CCDC126: variants seen among roughly 807,000 people sequenced by gnomAD.
CCDC126 encodes the protein coiled-coil domain-containing protein 126.
Under a neutral mutation model 11.7 loss-of-function variants are expected in CCDC126, and 5 were observed. The ratio of observed to expected loss-of-function variants is 0.43; its 90% CI spans 0.22 to 0.90. The LOEUF (loss-of-function observed/expected upper bound fraction) is 0.90. Ranked by LOEUF, CCDC126 falls within the 40% of genes least tolerant of loss-of-function variation. The pLI is 0.27. For synonymous variants in CCDC126, 60 were observed against 61.9 expected (o/e 0.97, Z 0.14); for missense variants, 150 against 163.1 (o/e 0.92, Z 0.44).
intron 3 of CCDC126, among the ~76,000 whole-genome samples, chr7:23,637,381 G>A: frequency 3.7e-5 from 1 of 27,290 alleles, no homozygotes; most frequent in Non-Finnish European, 8.3e-5. Flanking sequence ...CCCCTACTGG[G>A]AAGTGAGGAG....
intron 2 of CCDC126, among the ~76,000 whole-genome samples, chr7:23,606,018 C>G (rs953996315): frequency 6.6e-6 from 1 of 151,768 alleles, no homozygotes; most frequent in African/African-American, 2.4e-5. Context: ...GATAACTATC[C>G]TAATGGGTAT....
chr7:23,638,153 C>T (rs1404033853), intron 3 of CCDC126, among the ~76,000 whole-genome samples: 4 of 150,848 alleles, frequency 2.7e-5, no homozygotes, highest in South Asian at 2.1e-4. Flanking sequence ...CGCTTCTGCC[C>T]GGCCGCCCCT....
intron 2 of CCDC126, among the ~76,000 whole-genome samples, chr7:23,610,749 G>C (rs1199313925): frequency 6.6e-6 from 1 of 151,548 alleles, no homozygotes; most frequent in African/African-American, 2.4e-5. Context: ...TTGATTTTCC[G>C]ATCCTTTTTC....
At chr7:23,622,042 C>CT (rs1782913631) in intron 3 of CCDC126, among the ~76,000 whole-genome samples, 2 of 152,028 alleles carry the variant, frequency 1.3e-5, no homozygotes, top group South Asian at 2.1e-4. Flanking sequence ...CTAAAATTCT[C>CT]TTTTTTTGTT....
intron 3 of CCDC126, among the ~76,000 whole-genome samples, chr7:23,638,728 A>AAAAAAAAAAAAAAAAAAAAAAAAAAAAT (rs1783292725): frequency 3.1e-5 from 1 of 32,554 alleles, no homozygotes. Context: ...AAAAAAAATT[A>AAAAAAAAAAAAAAAAAAAAAAAAAAAAT]AAAAAAAAAA....
chr7:23,627,152 CG>C (rs1383415561), intron 3 of CCDC126, among the ~76,000 whole-genome samples: 1 of 152,156 alleles, frequency 6.6e-6, no homozygotes, highest in Non-Finnish European at 1.5e-5. Flanking sequence ...TCAGGCTTTC[CG>C]ACTGACCCTG....
intron 2 of CCDC126, among the ~76,000 whole-genome samples, chr7:23,607,940 C>T (rs137942435): frequency 1.1e-3 from 162 of 152,256 alleles, no homozygotes; most frequent in African/African-American, 3.7e-3. Context: ...GCATAGCCTC[C>T]GTCCAGAAGC....
chr7:23,608,507 C>G lies in CCDC126; in HGVS notation c.-145-2664C>G, dbSNP rs564429582. On this transcript the variant is annotated intron_variant, in intron 2 of 3. Transcript: ENST00000307471. ...TTTTTAATTTTTTTTAGCTCATCAG[C>G]TGTCGTTAGTGTTAGTATATTTTAT... is the stretch of plus-strand genomic sequence containing the variant. Among the ~76,000 whole-genome samples the G allele has an allele frequency of 2.0e-5, 3 of 152,200 alleles. No individual in the cohort carries two copies. In the South Asian group the frequency reaches 6.2e-4, roughly 32 times the overall value.
intron 3 of CCDC126, among the ~76,000 whole-genome samples, chr7:23,631,427 C>A (rs1407941464): frequency 6.6e-6 from 1 of 152,090 alleles, no homozygotes; most frequent in East Asian, 1.9e-4. Context: ...CAAATTGCCG[C>A]AATCCACCCA....
At chr7:23,628,128 CA>C (rs1783045666) in intron 3 of CCDC126, among the ~76,000 whole-genome samples, 1 of 151,974 alleles carries the variant, frequency 6.6e-6, no homozygotes, top group Admixed American at 6.6e-5. Flanking sequence ...TGAAGAAAAC[CA>C]GTTTTAAAAA....
intron 3 of CCDC126, among the ~76,000 whole-genome samples, chr7:23,632,538 T>C (rs2128020829): frequency 6.6e-6 from 1 of 152,360 alleles, no homozygotes; most frequent in Non-Finnish European, 1.5e-5. Context: ...CTAGTGGTGA[T>C]AGAAATATTC....
chr7:23,628,376 C>T (rs2128019812), intron 3 of CCDC126, among the ~76,000 whole-genome samples: 1 of 152,248 alleles, frequency 6.6e-6, no homozygotes, highest in East Asian at 1.9e-4. Context: ...TAGATACTGC[C>T]AACAGGCAAA....
chr7:23,606,332 A>G (rs1782623374), intron 2 of CCDC126, among the ~76,000 whole-genome samples: 1 of 152,176 alleles, frequency 6.6e-6, no homozygotes, highest in East Asian at 1.9e-4. Flanking sequence ...TGCTGGGATT[A>G]CAGGTGTGAG....
chr7:23,608,936 C>CA (rs1753074208), intron 2 of CCDC126, among the ~76,000 whole-genome samples: 1 of 151,954 alleles, frequency 6.6e-6, no homozygotes, highest in South Asian at 2.1e-4. Flanking sequence ...AGGTTGGAGG[C>CA]AAAATCATAG....
chr7:23,639,925 C>G (rs562498031), intron 3 of CCDC126, among the ~76,000 whole-genome samples: 1 of 152,242 alleles, frequency 6.6e-6, no homozygotes, highest in Non-Finnish European at 1.5e-5. Context: ...CCTGTAATCC[C>G]AGCACTTTGG....
At chr7:23,626,562 C>T (rs939908338) in intron 3 of CCDC126, among the ~76,000 whole-genome samples, 2 of 151,786 alleles carry the variant, frequency 1.3e-5, no homozygotes, top group African/African-American at 4.8e-5. Flanking sequence ...TATAGATAAA[C>T]ACGTGTCTTG....
rs781655807 is a variant in CCDC126 at position 23,611,272 on chromosome 7, A to G, written c.-44A>G. The G allele has an allele frequency of 7.3e-6, 9 of 1,239,296 alleles. No homozygotes were observed. Among genetic ancestry groups the G allele is most frequent in the South Asian group, 2.5e-5 (2 of 80,454 alleles). 76.8% of individuals were successfully genotyped at this position (1,239,296 alleles called of 1,614,324 possible). A position where few individuals can be genotyped will look rare whatever the true frequency, so the allele number is the denominator to read the frequency against. ...AAGTCTTGATTTGTGGCTTACCTCAAGTTACCATTTTTCAGTCAAGTCTGT... is the reference window on the plus strand; with the variant it reads ...AAGTCTTGATTTGTGGCTTACCTCAGGTTACCATTTTTCAGTCAAGTCTGT... On this transcript the variant is annotated 5_prime_UTR_variant, in exon 3 of 4. Coordinates refer to ENST00000307471, the MANE Select transcript of CCDC126 (RefSeq NM_138771.4).
chr7:23,633,849 C>CTGT (rs1783157618), intron 3 of CCDC126, among the ~76,000 whole-genome samples: 1 of 151,690 alleles, frequency 6.6e-6, no homozygotes, highest in Admixed American at 6.6e-5. Context: ...GAGTGAGACC[C>CTGT]TGTATCCAAA....
intron 2 of CCDC126, among the ~76,000 whole-genome samples, chr7:23,607,031 C>A (rs115521346): frequency 6.6e-6 from 1 of 151,962 alleles, no homozygotes; most frequent in African/African-American, 2.4e-5. Flanking sequence ...CCCGGAAGGC[C>A]GAGGCTGCAG....
Sources: allele counts gnomAD v4.1 joint callset (sites outside exome capture counted in the v4.1 genomes callset), GRCh38; gene constraint gnomAD v4.1.1; transcripts MANE v1.5; gene names NCBI Gene and HGNC (gene_info 2026-07-23, HGNC 2026-07-21).